The following SYNE2 variants were observed in gnomAD, a reference collection of about 807,000 sequenced individuals.
SYNE2 encodes the protein nesprin-2.
A neutral mutation model predicts 856.3 loss-of-function variants in SYNE2; 431 were observed. The observed-to-expected ratio is 0.50, with a 90% confidence interval of 0.47 to 0.55. SYNE2 has a LOEUF of 0.55. Ranked by LOEUF, SYNE2 falls within the 20% of genes least tolerant of loss-of-function variation. SYNE2 has a pLI of 0.00. For synonymous variants in SYNE2, 2,923 were observed against 2,872.3 expected (o/e 1.02, Z -0.56); for missense variants, 8,129 against 8,023.2 (o/e 1.01, Z -0.50).
At position 64,146,243 on chromosome 14, in the gene SYNE2, C is replaced by T. The variant is rs2098185841; in HGVS notation, c.15639+20C>T. The T allele has an allele frequency of 7.5e-6, 12 of 1,591,054 alleles. No homozygotes were observed. Among genetic ancestry groups the T allele is most frequent in the Non-Finnish European group, 9.4e-6 (11 of 1,169,288 alleles). Reference sequence around the variant, plus strand: ...TGTCAGGTGAGGAGGGGAACAGCATCCCACCCAACCCGCGAGCTGGGGTGA... The same window carrying T: ...TGTCAGGTGAGGAGGGGAACAGCATTCCACCCAACCCGCGAGCTGGGGTGA... On this transcript the variant is annotated intron_variant, in intron 84 of 115. Transcript: ENST00000555002.
At chr14:63,820,682 G>T (rs935341461) in intron 1 of SYNE2, among the ~76,000 whole-genome samples, 1 of 151,862 alleles carries the variant, frequency 6.6e-6, no homozygotes, top group Non-Finnish European at 1.5e-5. Context: ...AATTATTTCA[G>T]AGAAGAAATC....
chr14:63,771,241 T>C (rs1194439651), intron 1 of SYNE2, among the ~76,000 whole-genome samples: 2 of 151,878 alleles, frequency 1.3e-5, no homozygotes, highest in Admixed American at 1.3e-4. Flanking sequence ...GGCTATTTTT[T>C]TTGTATTTTT....
At chr14:63,872,647 G>A (rs149809141) in intron 1 of SYNE2, among the ~76,000 whole-genome samples, 2,933 of 149,854 alleles carry the variant, frequency 0.02, 40 homozygotes, top group Middle Eastern at 0.035. Context: ...CTGTAATCCC[G>A]GTTACTTGGG....
At chr14:64,091,541 A>G (rs892424458) in intron 60 of SYNE2, among the ~76,000 whole-genome samples, 4 of 152,190 alleles carry the variant, frequency 2.6e-5, no homozygotes, top group African/African-American at 9.7e-5. Flanking sequence ...GTAGAGGTTA[A>G]TTTATGTACA....
chr14:64,049,692 G>T lies in SYNE2; in HGVS notation c.7459G>T (p.Gly2487Trp). Reference protein sequence around the residue: ...QTECLNKTETGALVLHNIGYS... With the variant: ...QTECLNKTETWALVLHNIGYS... ...AGAATGTCTTAACAAAACAGAAACT[G>T]GGGCCTTGGTTCTCCACAATATAGG... is the stretch of plus-strand genomic sequence containing the variant. The change falls in exon 47 of 116, where the codon GGG becomes TGG. Residue 2487 changes from glycine (G) to tryptophan (W), a missense_variant. This residue lies in a region of SYNE2 where 5,410 missense variants were observed against 5,284.8 expected (regional missense o/e 1.02). Coordinates refer to ENST00000555002, the MANE Select transcript of SYNE2 (RefSeq NM_182914.3). 1 of 1,614,072 alleles carries T rather than the reference G, an allele frequency of 6.2e-7. No individual in the cohort carries two copies. The highest frequency in any genetic ancestry group is 8.5e-7 in the Non-Finnish European group (1 of 1,180,022).
Position 64,002,665 on chromosome 14 carries a change from TGTA to T in SYNE2, c.3787-53_3787-51del, listed in dbSNP as rs371656839. On this transcript the variant is annotated intron_variant, in intron 29 of 115. Coordinates refer to ENST00000555002, the MANE Select transcript of SYNE2 (RefSeq NM_182914.3). ...TGCAGTTTGGGGCTAGTTTCTCACA[TGTA>T]GCCTTTCTTTTTTCCACCTCAGTGT... is the stretch of plus-strand genomic sequence containing the variant. 2,950 of 1,595,268 alleles carry T rather than the reference TGTA, an allele frequency of 1.8e-3. 52 individuals are homozygous for T. In the African/African-American group the frequency reaches 0.035, roughly 19 times the overall value.
intron 66 of SYNE2, among the ~76,000 whole-genome samples, chr14:64,116,758 TG>T (rs1442859008): frequency 1.3e-5 from 2 of 151,894 alleles, no homozygotes; most frequent in Admixed American, 6.6e-5. Flanking sequence ...TAATCCCAAA[TG>T]AGAAAAATAA....
chr14:63,968,373 A>G (rs985092623), intron 11 of SYNE2, among the ~76,000 whole-genome samples: 1 of 152,282 alleles, frequency 6.6e-6, no homozygotes, highest in African/African-American at 2.4e-5. Flanking sequence ...ACGCAAGCTT[A>G]TCCAAGCTTG....
In SYNE2 at chr14:64,162,256, C is replaced by T. The variant is rs1297997370; in HGVS notation, c.16279C>T (p.Pro5427Ser). 1.2e-6 allele frequency: 2 copies of T among 1,614,030 alleles called. No individual in the cohort carries two copies. The highest frequency in any genetic ancestry group is 1.7e-6 in the Non-Finnish European group (2 of 1,179,998). The change falls in exon 88 of 116, where the codon CCA (proline) becomes TCA (serine). Residue 5427 changes from proline (P) to serine (S), a missense_variant. Pro to Ser is a moderately conservative substitution (Grantham distance 74, BLOSUM62 -1). Transcript: ENST00000555002. The part of the protein sequence containing the change: ...SGNNLAEILP[P>S]ALQDIKELQH... Reference sequence around the variant, plus strand: ...AAACAACCTGGCAGAGATCCTGCCCCCAGCCCTGCAGGACATAAAGGTGGG... The same window carrying T: ...AAACAACCTGGCAGAGATCCTGCCCTCAGCCCTGCAGGACATAAAGGTGGG...
chr14:64,107,584 C>G lies in SYNE2; in HGVS notation c.12586C>G (p.Leu4196Val), dbSNP rs1366699107. 6.2e-7 allele frequency: 1 copy of G among 1,613,996 alleles called. No individual in the cohort carries two copies. Among genetic ancestry groups the G allele is most frequent in the African/African-American group, 1.3e-5 (1 of 74,924 alleles). The change falls in exon 65 of 116, where the codon CTA (leucine) becomes GTA (valine). Residue 4196 changes from leucine to valine, a missense_variant. Transcript: ENST00000555002. ...LNTEQGPECS[L>V]RPNQTEEGTT... ...CACTGAGCAAGGCCCAGAATGTTCC[C>G]TAAGGCCCAACCAAACAGAAGAGGT...
chr14:64,056,657 C>T (rs547766753), intron 49 of SYNE2, among the ~76,000 whole-genome samples: 1 of 145,814 alleles, frequency 6.9e-6, no homozygotes, highest in South Asian at 2.2e-4. Context: ...TTACCATTTT[C>T]CTGACTTTTG....
intron 34 of SYNE2, among the ~76,000 whole-genome samples, chr14:64,018,108 G>C (rs2096907601): frequency 6.6e-6 from 1 of 152,108 alleles, no homozygotes. Context: ...TTACGCAAGG[G>C]GTCTGTAGGC....
intron 98 of SYNE2, 118 bp downstream of exon 98, chr14:64,188,826 T>A (rs1331277296): frequency 1.9e-6 from 2 of 1,055,306 alleles, no homozygotes; most frequent in Non-Finnish European, 2.9e-6. Flanking sequence ...TTTTAGAAAT[T>A]TGAAGGGACT....
intron 60 of SYNE2, among the ~76,000 whole-genome samples, chr14:64,091,604 A>G (rs1011861400): frequency 2.0e-5 from 3 of 152,162 alleles, no homozygotes; most frequent in Admixed American, 6.5e-5. Flanking sequence ...CTGCATATTG[A>G]GAGCTGATAT....
chr14:63,818,816 A>G (rs1478363459), intron 1 of SYNE2, among the ~76,000 whole-genome samples: 2 of 149,392 alleles, frequency 1.3e-5, no homozygotes, highest in African/African-American at 4.9e-5. Flanking sequence ...CTCCTGCCTC[A>G]GCCTCCCAAG....
In SYNE2 at chr14:64,022,858, C is replaced by G. The variant is rs1457701695; in HGVS notation, c.5632C>G (p.Leu1878Val). Reference protein sequence around the residue: ...KKSVEQKLQKLSDFLTLEGRN... With the variant: ...KKSVEQKLQKVSDFLTLEGRN... Reference sequence around the variant, plus strand: ...GAGTGTGGAACAAAAGCTACAAAAACTTTCTGTAAGAGATATATGTGTATT... The same window carrying G: ...GAGTGTGGAACAAAAGCTACAAAAAGTTTCTGTAAGAGATATATGTGTATT... Residue 1878 changes from leucine to valine, a missense_variant, in exon 38 of 116, where the codon CTT (leucine) becomes GTT (valine). Transcript: ENST00000555002. 6.4e-7 allele frequency: 1 copy of G among 1,560,830 alleles called. No homozygotes were observed.
rs771596566 is a variant in SYNE2 at position 63,997,281 on chromosome 14, C to T, written c.3153-20C>T. The T allele has an allele frequency of 1.4e-5, 23 of 1,606,310 alleles. No individual in the cohort carries two copies. Among genetic ancestry groups the T allele is most frequent in the Middle Eastern group, 1.7e-4 (1 of 6,048 alleles). ...TTTTTCTTACCCTCTTTTAAACATG[C>T]AATTTTGATTCCTTTCTAGGGGGAC... On this transcript the variant is annotated intron_variant, in intron 24 of 115. Coordinates refer to ENST00000555002, the MANE Select transcript of SYNE2 (RefSeq NM_182914.3).
At chr14:63,993,771 T>A in intron 21 of SYNE2, 64 bp from the exon 22 acceptor site, 1 of 1,461,562 alleles carries the variant, frequency 6.8e-7, no homozygotes. Context: ...GCTTAGAGGA[T>A]TTTGAGGATT....
intron 64 of SYNE2, among the ~76,000 whole-genome samples, chr14:64,105,364 ATC>A (rs1177772224): frequency 6.6e-6 from 1 of 152,176 alleles, no homozygotes; most frequent in Non-Finnish European, 1.5e-5. Flanking sequence ...ATTTTATCTA[ATC>A]TCTACCTTTA....
Sources: gnomAD v4.1 joint callset for allele counts (sites outside exome capture counted in the v4.1 genomes callset) on GRCh38, gnomAD v4.1.1 for gene constraint, gnomAD v4.1.1 regional missense constraint, MANE v1.5 for transcripts, NCBI Gene and HGNC (gene_info 2026-07-23, HGNC 2026-07-21) for gene names.